PXDNL: variants seen among roughly 807,000 people sequenced by gnomAD.
PXDNL encodes the protein peroxidasin like.
A neutral mutation model predicts 150.8 loss-of-function variants in PXDNL; 145 were observed. The observed-to-expected ratio is 0.96, with a 90% CI of 0.84 to 1.10. The LOEUF (loss-of-function observed/expected upper bound fraction) is 1.10, where lower values mean the gene tolerates loss of function less well. Ranked by LOEUF, PXDNL falls within the 50% of genes least tolerant of loss-of-function variation. The probability of loss-of-function intolerance (pLI) is 0.00; values close to 1 mark genes in which losing one functional copy is unlikely to be tolerated. For synonymous variants in PXDNL, 757 were observed against 725.7 expected (o/e 1.04, Z -0.69); for missense variants, 2,087 against 1,873.9 (o/e 1.11, Z -2.10).
rs147957085 is a variant in PXDNL, at chr8:51,803,744, G to A, written c.164+5437C>T. ...TGTTCTTCTTTGTGTTTACTTGACC[G>A]TGGAGCATTCCAGAATTCTAGCCTA... On this transcript the variant is annotated intron_variant, in intron 1 of 22. Coordinates refer to ENST00000356297, the MANE Select transcript of PXDNL (RefSeq NM_144651.5). Among the ~76,000 whole-genome samples the A allele has an allele frequency of 2.6e-3, 397 of 152,246 alleles. 2 individuals are homozygous for A. Among genetic ancestry groups the A allele is most frequent in the African/African-American group, 9.1e-3 (377 of 41,542 alleles).
At chr8:51,383,172 CTGGAGAA>C in intron 17 of PXDNL, among the ~76,000 whole-genome samples, 1 of 152,276 alleles carries the variant, frequency 6.6e-6, no homozygotes, top group Non-Finnish European at 1.5e-5. Context: ...CTGCATTACT[CTGGAGAA>C]TGTCAATTCT....
chr8:51,553,402 TC>T (rs1453888839), intron 4 of PXDNL, among the ~76,000 whole-genome samples: 1 of 152,174 alleles, frequency 6.6e-6, no homozygotes, highest in Non-Finnish European at 1.5e-5. Context: ...GTCCAAAACA[TC>T]CTTTGAAATC....
At chr8:51,449,181 A>G (rs1809750107) in intron 10 of PXDNL, 63 bp from the exon 11 acceptor site, 2 of 844,610 alleles carry the variant, frequency 2.4e-6, no homozygotes, top group African/African-American at 1.7e-5. Context: ...GTGCCAATAG[A>G]AAAAAGAAAA....
chr8:51,386,828 A>G (rs1359702146), intron 17 of PXDNL, among the ~76,000 whole-genome samples: 2 of 152,004 alleles, frequency 1.3e-5, no homozygotes, highest in Admixed American at 1.3e-4. Flanking sequence ...CATCTTGAAA[A>G]AAAAAAAAAG....
chr8:51,345,915 T>TCAC lies in PXDNL; in HGVS notation c.3931_3933dup (p.Val1311dup). On this transcript the variant is annotated inframe_insertion, in exon 20 of 23. Coordinates refer to ENST00000356297, the MANE Select transcript of PXDNL (RefSeq NM_144651.5). Reference sequence around the variant, plus strand: ...GAGCGTTTCTTTTGAGACTCTTGCGTCACTGCTCTGAACTGTCCTCTACTC... The same window carrying TCAC: ...GAGCGTTTCTTTTGAGACTCTTGCGTCACCACTGCTCTGAACTGTCCTCTACTC... The TCAC allele has an allele frequency of 6.2e-7, 1 of 1,613,592 alleles. No homozygotes were observed. The highest frequency in any genetic ancestry group is 1.1e-5 in the South Asian group (1 of 91,070).
At chr8:51,763,860 A>AT (rs997652453) in intron 1 of PXDNL, among the ~76,000 whole-genome samples, 3 of 152,282 alleles carry the variant, frequency 2.0e-5, no homozygotes, top group African/African-American at 7.2e-5. Context: ...CTCCTCTTCA[A>AT]TTTTTTGGAA....
At chr8:51,455,707 G>A (rs1809925117) in intron 9 of PXDNL, among the ~76,000 whole-genome samples, 1 of 152,210 alleles carries the variant, frequency 6.6e-6, no homozygotes, top group Non-Finnish European at 1.5e-5. Flanking sequence ...ACTTGACCTA[G>A]AGGCAGAAGG....
chr8:51,521,989 A>C (rs1320184188), intron 4 of PXDNL, among the ~76,000 whole-genome samples: 1 of 152,222 alleles, frequency 6.6e-6, no homozygotes, highest in Non-Finnish European at 1.5e-5. Flanking sequence ...AATAAACATA[A>C]CTAAGAAAAT....
At chr8:51,788,911 C>T (rs1260859529) in intron 1 of PXDNL, among the ~76,000 whole-genome samples, 1 of 152,200 alleles carries the variant, frequency 6.6e-6, no homozygotes, top group African/African-American at 2.4e-5. Context: ...ACCAACTACT[C>T]CACAAGGGCC....
chr8:51,480,739 C>T (rs1810582683), intron 6 of PXDNL, among the ~76,000 whole-genome samples: 1 of 152,164 alleles, frequency 6.6e-6, no homozygotes, highest in Non-Finnish European at 1.5e-5. Flanking sequence ...GTGAATAAGT[C>T]TCACAAGATC....
chr8:51,320,120 G>A (rs1405571090), intron 22 of PXDNL, 98 bp from the exon 23 acceptor site: 2 of 1,051,484 alleles, frequency 1.9e-6, no homozygotes, highest in South Asian at 8.4e-5. Context: ...CTAATAAGCT[G>A]ACTGTCTCAA....
intron 5 of PXDNL, among the ~76,000 whole-genome samples, chr8:51,493,358 C>T (rs188722322): frequency 6.6e-6 from 1 of 152,258 alleles, no homozygotes; most frequent in Non-Finnish European, 1.5e-5. Flanking sequence ...AAACTGGAAA[C>T]TCTAAAAATC....
chr8:51,473,192 G>A (rs1810385363), intron 7 of PXDNL, among the ~76,000 whole-genome samples: 1 of 151,270 alleles, frequency 6.6e-6, no homozygotes, highest in Non-Finnish European at 1.5e-5. Flanking sequence ...CAAGGCGCTA[G>A]GACTAGTGAT....
chr8:51,360,734 G>A (rs1341493679), intron 19 of PXDNL, among the ~76,000 whole-genome samples: 7 of 152,222 alleles, frequency 4.6e-5, no homozygotes, highest in Admixed American at 3.9e-4. Context: ...CAATCGCTAA[G>A]TTTTGGCCAA....
chr8:51,778,162 C>A (rs563083167), intron 1 of PXDNL, among the ~76,000 whole-genome samples: 1 of 152,008 alleles, frequency 6.6e-6, no homozygotes, highest in East Asian at 1.9e-4. Context: ...CAATGAAACC[C>A]CTACTAAAAA....
chr8:51,373,611 A>C (rs1407732096), intron 18 of PXDNL, among the ~76,000 whole-genome samples: 1 of 152,222 alleles, frequency 6.6e-6, no homozygotes, highest in Admixed American at 6.5e-5. Flanking sequence ...AAAGGGAATT[A>C]AATCCTTTGC....
At chr8:51,522,516 A>G (rs1811682502) in intron 4 of PXDNL, among the ~76,000 whole-genome samples, 1 of 152,226 alleles carries the variant, frequency 6.6e-6, no homozygotes, top group East Asian at 1.9e-4. Context: ...TGAAAATATA[A>G]TATGTCCATT....
chr8:51,468,713 G>C (rs1317645924), intron 8 of PXDNL, among the ~76,000 whole-genome samples: 1 of 151,430 alleles, frequency 6.6e-6, no homozygotes, highest in African/African-American at 2.4e-5. Flanking sequence ...TCTCCTCCTA[G>C]TCTGGAAGGA....
intron 7 of PXDNL, 50 bp downstream of exon 7, chr8:51,474,922 G>C: frequency 7.1e-7 from 1 of 1,407,438 alleles, no homozygotes; most frequent in Non-Finnish European, 9.6e-7. Context: ...TACAAAAAGA[G>C]AGCAAATGAG....
Sources: allele counts gnomAD v4.1 joint callset (sites outside exome capture counted in the v4.1 genomes callset), GRCh38; gene constraint gnomAD v4.1.1; transcripts MANE v1.5; gene names NCBI Gene and HGNC (gene_info 2026-07-23, HGNC 2026-07-21).